The following CMYA5 variants were observed in gnomAD, a reference collection of about 807,000 sequenced individuals.
CMYA5 encodes the protein cardiomyopathy associated 5, also known as cardiomyopathy-associated protein 5.
Under a neutral mutation model 318.9 loss-of-function variants are expected in CMYA5, and 246 were observed. The observed-to-expected ratio is 0.77, with a 90% CI of 0.70 to 0.86. The LOEUF (loss-of-function observed/expected upper bound fraction) is 0.86. CMYA5 is among the 40% of genes least tolerant of loss of function. The pLI is 0.00. For synonymous variants in CMYA5, 1,641 were observed against 1,729.5 expected (o/e 0.95, Z 1.27); for missense variants, 4,589 against 4,678.2 (o/e 0.98, Z 0.56).
intron 9 of CMYA5, among the ~76,000 whole-genome samples, chr5:79,787,795 A>G (rs1829106888): frequency 6.6e-6 from 1 of 152,208 alleles, no homozygotes; most frequent in Non-Finnish European, 1.5e-5. Context: ...TATTCTGTAC[A>G]AATGTTTTGC....
At position 79,738,696 on chromosome 5, in the gene CMYA5, G is replaced by A. The variant is rs781419246; in HGVS notation, c.9931G>A (p.Val3311Met). 6.2e-7 allele frequency: 1 copy of A among 1,613,960 alleles called. No homozygotes were observed. Among genetic ancestry groups the A allele is most frequent in the African/African-American group, 1.3e-5 (1 of 75,042 alleles). Residue 3311 changes from valine to methionine, a missense_variant, in exon 2 of 13, where the codon GTG becomes ATG. By Grantham distance (21) the Val-to-Met change is conservative (BLOSUM62 1). Coordinates refer to ENST00000446378, the MANE Select transcript of CMYA5 (RefSeq NM_153610.5). ...TGGGGAAGGAGAATCAGTAGACCAT[G>A]TGGAGACCGTTGGTAACGTAGCGAT... is the stretch of plus-strand genomic sequence containing the variant. ...VYGEGESVDHVETVGNVAMQK... is the reference protein window; with the variant it reads ...VYGEGESVDHMETVGNVAMQK...
intron 1 of CMYA5, among the ~76,000 whole-genome samples, chr5:79,715,281 TTAA>T (rs1207490741): frequency 1.7e-4 from 23 of 133,450 alleles, no homozygotes; most frequent in Non-Finnish European, 1.7e-4. Context: ...TATTGTTATT[TTAA>T]TAATAATAAT....
chr5:79,753,829 C>T (rs1828478489), intron 6 of CMYA5, among the ~76,000 whole-genome samples: 1 of 152,192 alleles, frequency 6.6e-6, no homozygotes, highest in South Asian at 2.1e-4. Context: ...TGGATTTTCT[C>T]TAGAAATGTC....
chr5:79,736,660 C>A lies in CMYA5; in HGVS notation c.7895C>A (p.Thr2632Asn). The change falls in exon 2 of 13, where the codon ACC becomes AAC. Residue 2632 changes from threonine to asparagine, a missense_variant. Thr to Asn is a moderately conservative substitution (Grantham distance 65). This residue lies in a region of CMYA5 where 2,431 missense variants were observed against 2,495.1 expected (regional missense o/e 0.97). Coordinates refer to ENST00000446378, the MANE Select transcript of CMYA5 (RefSeq NM_153610.5). Reference protein sequence around the residue: ...LEESKVLVEKTKTFLPVALSC... With the variant: ...LEESKVLVEKNKTFLPVALSC... The stretch of plus-strand genomic sequence containing the variant: ...GAAAGTAAAGTTTTGGTGGAGAAAA[C>A]CAAGACTTTCCTGCCGGTGGCTCTT... The A allele has an allele frequency of 6.2e-7, 1 of 1,613,578 alleles. No homozygotes were observed. Among genetic ancestry groups the A allele is most frequent in the South Asian group, 1.1e-5 (1 of 91,052 alleles).
In CMYA5 at chr5:79,729,974, AG is replaced by A. The variant is rs761680972; in HGVS notation, c.1211del (p.Gly404GlufsTer19). On this transcript the variant is annotated frameshift_variant, in exon 2 of 13. Transcript: ENST00000446378. LOFTEE classifies it high-confidence loss of function. ...TKEECELASP[G>X]TAASENDSSV... ...AGGAAGAATGTGAGCTTGCTTCACC[AG>A]GAACTGCAGCTTCAGAGAATGACTC... 5 of 1,614,040 alleles carry A rather than the reference AG, an allele frequency of 3.1e-6. No homozygotes were observed. Among genetic ancestry groups the A allele is most frequent in the Non-Finnish European group, 4.2e-6 (5 of 1,179,888 alleles).
chr5:79,763,003 C>G, intron 8 of CMYA5, 59 bp from the exon 9 acceptor site: 1 of 1,553,108 alleles, frequency 6.4e-7, no homozygotes. Flanking sequence ...ACGTGCTTCT[C>G]AGGTCCCAGG....
At chr5:79,776,664 A>G (rs902164816) in intron 9 of CMYA5, among the ~76,000 whole-genome samples, 5 of 152,192 alleles carry the variant, frequency 3.3e-5, no homozygotes, top group Admixed American at 6.5e-5. Context: ...CTGCCTTACC[A>G]GCTGGTCCTT....
rs1238729130 is a variant in CMYA5 at position 79,739,062 on chromosome 5, C to T, written c.10297C>T (p.Pro3433Ser). Residue 3433 changes from proline (P) to serine (S), a missense_variant, in exon 2 of 13, where the codon CCT becomes TCT. This residue lies in a region of CMYA5 where 2,431 missense variants were observed against 2,495.1 expected (regional missense o/e 0.97). Coordinates refer to ENST00000446378, the MANE Select transcript of CMYA5 (RefSeq NM_153610.5). ...FTESLHNEVV[P>S]QDILSEELSS... ...AGAATCCCTGCATAATGAAGTGGTTCCTCAAGACATATTATCAGAAGAACT... is the reference window on the plus strand; with the variant it reads ...AGAATCCCTGCATAATGAAGTGGTTTCTCAAGACATATTATCAGAAGAACT... 1.2e-6 allele frequency: 2 copies of T among 1,613,870 alleles called. No individual in the cohort carries two copies. Among genetic ancestry groups the T allele is most frequent in the Non-Finnish European group, 1.7e-6 (2 of 1,179,858 alleles).
rs752947985 is a variant in CMYA5, at chr5:79,737,197, T to C, written c.8432T>C (p.Leu2811Ser). The change falls in exon 2 of 13, where the codon TTG becomes TCG. Residue 2811 changes from leucine to serine, a missense_variant. By Grantham distance (145) the Leu-to-Ser change is moderately radical. This residue lies in a region of CMYA5 where 2,431 missense variants were observed against 2,495.1 expected (regional missense o/e 0.97). Coordinates refer to ENST00000446378, the MANE Select transcript of CMYA5 (RefSeq NM_153610.5). ...AAGAGCTCAGAAACACCGCCATATT[T>C]GCTGTCACCTGTAAAACCACAAACT... ...ETKSSETPPYLLSPVKPQTLA... is the reference protein window; with the variant it reads ...ETKSSETPPYSLSPVKPQTLA... The C allele has an allele frequency of 1.4e-5, 22 of 1,613,476 alleles. No homozygotes were observed. The highest frequency in any genetic ancestry group is 1.8e-5 in the Non-Finnish European group (21 of 1,179,790).
At chr5:79,716,328 C>T (rs951578228) in intron 1 of CMYA5, among the ~76,000 whole-genome samples, 9 of 152,200 alleles carry the variant, frequency 5.9e-5, no homozygotes, top group African/African-American at 2.2e-4. Context: ...GTGATTTCTA[C>T]TACTGAATCT....
chr5:79,770,865 C>T (rs1019940126), intron 9 of CMYA5, among the ~76,000 whole-genome samples: 1 of 152,102 alleles, frequency 6.6e-6, no homozygotes, highest in African/African-American at 2.4e-5. Flanking sequence ...AAGTTGAAGA[C>T]AGGCTTCACA....
intron 11 of CMYA5, 110 bp from the exon 12 acceptor site, chr5:79,793,327 T>G: frequency 9.3e-7 from 1 of 1,080,974 alleles, no homozygotes. Context: ...TCCAGCAGTT[T>G]CCAAGGGCAG....
intron 1 of CMYA5, among the ~76,000 whole-genome samples, chr5:79,723,890 T>C (rs1341167896): frequency 1.3e-5 from 2 of 152,082 alleles, no homozygotes; most frequent in African/African-American, 4.8e-5. Context: ...TATATAAAAG[T>C]ATAATGTATC....
chr5:79,734,232 AAGAC>A lies in CMYA5; in HGVS notation c.5471_5474del (p.Thr1824LysfsTer15), dbSNP rs751991311. On this transcript the variant is annotated frameshift_variant, in exon 2 of 13. Transcript: ENST00000446378. LOFTEE classifies it high-confidence loss of function. ...TTCTGACCTCCTTGTAGAACAAAAA[AAGAC>A]AGAAAAAGCACTTCATTCAGATCAA... is the stretch of plus-strand genomic sequence containing the variant. 6.2e-6 allele frequency: 10 copies of A among 1,613,664 alleles called. No individual in the cohort carries two copies. The African/African-American group carries it at 6.7e-5, about 11-fold the overall frequency.
intron 11 of CMYA5, among the ~76,000 whole-genome samples, chr5:79,791,634 C>T (rs1829181573): frequency 6.7e-6 from 1 of 149,302 alleles, no homozygotes; most frequent in African/African-American, 2.5e-5. Context: ...GCAGGAGAAT[C>T]ACTTGAACCT....
chr5:79,703,486 G>GT (rs1347864447), intron 1 of CMYA5, among the ~76,000 whole-genome samples: 1 of 152,184 alleles, frequency 6.6e-6, no homozygotes, highest in Non-Finnish European at 1.5e-5. Context: ...CTTTGAGATC[G>GT]TATCACTGTT....
chr5:79,713,194 G>C (rs958538601), intron 1 of CMYA5, among the ~76,000 whole-genome samples: 10 of 151,990 alleles, frequency 6.6e-5, no homozygotes, highest in Admixed American at 5.9e-4. Flanking sequence ...ATTTTTTATT[G>C]TCACAACCTG....
At chr5:79,714,651 G>A (rs1467986837) in intron 1 of CMYA5, among the ~76,000 whole-genome samples, 1 of 151,870 alleles carries the variant, frequency 6.6e-6, no homozygotes, top group African/African-American at 2.4e-5. Flanking sequence ...TGTTGCTTGG[G>A]CTGGTCTTAA....
chr5:79,702,634 G>T (rs1020679837), intron 1 of CMYA5, among the ~76,000 whole-genome samples: 1 of 152,228 alleles, frequency 6.6e-6, no homozygotes, highest in South Asian at 2.1e-4. Flanking sequence ...ATGCTTTAGG[G>T]GCATGGGGTG....
Sources: gnomAD v4.1 joint callset for allele counts (sites outside exome capture counted in the v4.1 genomes callset) on GRCh38, gnomAD v4.1.1 for gene constraint, gnomAD v4.1.1 regional missense constraint, MANE v1.5 for transcripts, NCBI Gene and HGNC (gene_info 2026-07-23, HGNC 2026-07-21) for gene names.